TENM2: variants seen among roughly 807,000 people sequenced by gnomAD.
TENM2 encodes teneurin-2.
A neutral mutation model predicts 245.2 loss-of-function variants in TENM2; 52 were observed. That is an observed-to-expected ratio of 0.21 (90% CI 0.17 to 0.27). The LOEUF (loss-of-function observed/expected upper bound fraction) is 0.27. Among genes scored for constraint, TENM2 ranks in the 10% least tolerant of loss-of-function variants. The pLI, the probability that TENM2 is intolerant of heterozygous loss-of-function variation, is 1.00. For synonymous variants in TENM2, 1,363 were observed against 1,438.9 expected (o/e 0.95, Z 1.19); for missense variants, 3,046 against 3,666.8 (o/e 0.83, Z 4.37).
At chr5:167,877,782 A>G (rs902531978) in intron 3 of TENM2, among the ~76,000 whole-genome samples, 1 of 152,200 alleles carries the variant, frequency 6.6e-6, no homozygotes, top group Admixed American at 6.5e-5. Context: ...AAATATGTGG[A>G]AATATATTCC....
intron 3 of TENM2, among the ~76,000 whole-genome samples, chr5:167,944,669 G>A (rs1261212827): frequency 6.6e-6 from 1 of 152,228 alleles, no homozygotes; most frequent in Non-Finnish European, 1.5e-5. Context: ...CAGAGGCTAT[G>A]GGAGGGAGGA....
chr5:167,200,160 T>C, the TENM2 span, among the ~76,000 whole-genome samples: 1 of 151,734 alleles, frequency 6.6e-6, no homozygotes, highest in Admixed American at 6.6e-5. Flanking sequence ...CCCCTTTGTG[T>C]GTGTGTGTGT....
chr5:167,524,841 G>C (rs1281375308), intron 2 of TENM2, among the ~76,000 whole-genome samples: 1 of 150,842 alleles, frequency 6.6e-6, no homozygotes, highest in African/African-American at 2.4e-5. Context: ...ATTTTTACAC[G>C]CTCACAAATG....
At chr5:167,783,466 C>T (rs542519017) in intron 2 of TENM2, among the ~76,000 whole-genome samples, 5 of 152,084 alleles carry the variant, frequency 3.3e-5, no homozygotes, top group African/African-American at 9.7e-5. Context: ...TTCTGAACCC[C>T]AGTTTAACAA....
chr5:167,406,437 G>C (rs1467168818), intron 2 of TENM2, among the ~76,000 whole-genome samples: 1 of 152,152 alleles, frequency 6.6e-6, no homozygotes, highest in Non-Finnish European at 1.5e-5. Context: ...AAGTAGAGTA[G>C]ATTGAGTATT....
chr5:167,792,561 T>G (rs1163880490), intron 2 of TENM2, among the ~76,000 whole-genome samples: 1 of 152,022 alleles, frequency 6.6e-6, no homozygotes, highest in African/African-American at 2.4e-5. Context: ...TCCACCTCAC[T>G]GACTATAATA....
chr5:168,009,362 A>G (rs1347684132), intron 5 of TENM2, among the ~76,000 whole-genome samples: 1 of 152,224 alleles, frequency 6.6e-6, no homozygotes, highest in Non-Finnish European at 1.5e-5. Flanking sequence ...GAGCAGGTTT[A>G]AACTCTAATG....
chr5:168,260,586 C>T (rs921337181), intron 28 of TENM2, among the ~76,000 whole-genome samples, 173 bp downstream of exon 30: 4 of 152,230 alleles, frequency 2.6e-5, no homozygotes, highest in Non-Finnish European at 4.4e-5. Context: ...TGTCGCCTGT[C>T]TGGCACAGCA....
rs900465859 is a variant in TENM2, at chr5:167,688,933, C to T, written c.503-187053C>T. On this transcript the variant is annotated intron_variant, in intron 2 of 28. Coordinates refer to ENST00000518659, the Ensembl canonical transcript of TENM2. ...TGTGGTCATAAGTTTACACTAAATG[C>T]TGACAGAACATTTTTTTTTCTTTTC... 3.9e-5 allele frequency among the ~76,000 whole-genome samples: 6 copies of T among 152,046 alleles called. No homozygotes were observed. The South Asian group carries it at 6.2e-4, about 16-fold the overall frequency.
the TENM2 span, among the ~76,000 whole-genome samples, chr5:167,000,844 A>G: frequency 4.6e-4 from 70 of 152,286 alleles, no homozygotes; most frequent in African/African-American, 1.6e-3. Flanking sequence ...CAGGTAGTTT[A>G]AAACGTTTCG....
At chr5:167,589,593 C>T (rs74990040) in intron 2 of TENM2, among the ~76,000 whole-genome samples, 9,420 of 151,866 alleles carry the variant, frequency 0.062, 571 homozygotes, top group East Asian at 0.16. Flanking sequence ...TAGAATTGCT[C>T]TTTCAGAAAA....
intron 5 of TENM2, among the ~76,000 whole-genome samples, chr5:168,011,341 T>C (rs1344130485): frequency 6.6e-6 from 1 of 152,150 alleles, no homozygotes; most frequent in African/African-American, 2.4e-5. Flanking sequence ...TGAGAACATT[T>C]ATTTGGCAGT....
chr5:167,267,704 C>T, the TENM2 span, among the ~76,000 whole-genome samples: 1 of 152,136 alleles, frequency 6.6e-6, no homozygotes, highest in Admixed American at 6.5e-5. Flanking sequence ...CATTATGTTT[C>T]TGGTGAATGG....
intron 5 of TENM2, 61 bp from the exon 8 acceptor site, chr5:168,047,366 C>G (rs1462933107): frequency 2.3e-5 from 36 of 1,546,692 alleles, no homozygotes; most frequent in Non-Finnish European, 3.1e-5. Context: ...TGGCCCTCCC[C>G]CTTGACATTT....
At chr5:167,643,865 A>G (rs761416109) in intron 2 of TENM2, among the ~76,000 whole-genome samples, 1 of 152,226 alleles carries the variant, frequency 6.6e-6, no homozygotes, top group Non-Finnish European at 1.5e-5. Context: ...CAATTGAGTT[A>G]AAAATTATCA....
At chr5:167,661,021 C>T (rs1197506573) in intron 2 of TENM2, among the ~76,000 whole-genome samples, 2 of 152,078 alleles carry the variant, frequency 1.3e-5, no homozygotes, top group Non-Finnish European at 2.9e-5. Context: ...TGCATAGACT[C>T]AGCATTTTAA....
chr5:167,795,180 C>T (rs548672239), intron 2 of TENM2, among the ~76,000 whole-genome samples: 1 of 152,176 alleles, frequency 6.6e-6, no homozygotes, highest in Non-Finnish European at 1.5e-5. Flanking sequence ...AGAATCCTCA[C>T]CCTTAGGGAG....
Position 167,636,859 on chromosome 5 carries a change from T to G in TENM2, c.503-239127T>G, listed in dbSNP as rs542409208. Reference sequence around the variant, plus strand: ...TAACCACAACTTCTAGAGCTATGTTTGAGGCCCTATGCTAGTCCCTTTAGA... The same window carrying G: ...TAACCACAACTTCTAGAGCTATGTTGGAGGCCCTATGCTAGTCCCTTTAGA... On this transcript the variant is annotated intron_variant, in intron 2 of 28. Transcript: ENST00000518659. Among the ~76,000 whole-genome samples the G allele has an allele frequency of 2.6e-5, 4 of 152,364 alleles. No individual in the cohort carries two copies. The South Asian group carries it at 8.3e-4, about 32-fold the overall frequency.
the TENM2 span, among the ~76,000 whole-genome samples, chr5:167,187,411 T>G: frequency 6.6e-6 from 1 of 152,312 alleles, no homozygotes; most frequent in Non-Finnish European, 1.5e-5. Flanking sequence ...GACAGGTATA[T>G]TTTAAGGTAT....
Sources: gnomAD v4.1 joint callset for allele counts (sites outside exome capture counted in the v4.1 genomes callset) on GRCh38, gnomAD v4.1.1 for gene constraint, MANE v1.5 for transcripts, NCBI Gene and HGNC (gene_info 2026-07-23, HGNC 2026-07-21) for gene names.